Variants in NLGN1 observed in about 807,000 individuals in gnomAD.
NLGN1 encodes neuroligin 1, also known as neuroligin-1.
A neutral mutation model predicts 65.5 loss-of-function variants in NLGN1; 12 were observed. The ratio of observed to expected loss-of-function variants is 0.18; its 90% CI spans 0.12 to 0.30. NLGN1 has a LOEUF of 0.30. Ranked by LOEUF, NLGN1 falls within the 10% of genes least tolerant of loss-of-function variation. The pLI, the probability that NLGN1 is intolerant of heterozygous loss-of-function variation, is 1.00. For synonymous variants in NLGN1, 350 were observed against 359.5 expected (o/e 0.97, Z 0.30); for missense variants, 750 against 1,007.1 (o/e 0.74, Z 3.46).
At chr3:173,456,789 G>C (rs116179448) in intron 2 of NLGN1, among the ~76,000 whole-genome samples, 4,229 of 152,146 alleles carry the variant, frequency 0.028, 207 homozygotes, top group African/African-American at 0.094. Flanking sequence ...GGGAGCAGTA[G>C]CTGTGAAAAA....
At chr3:173,862,541 A>G (rs1285695100) in intron 4 of NLGN1, among the ~76,000 whole-genome samples, 7 of 150,780 alleles carry the variant, frequency 4.6e-5, no homozygotes, top group Non-Finnish European at 7.4e-5. Flanking sequence ...GAAAATGAAA[A>G]CATAATACAT....
At chr3:173,959,432 G>A (rs1296135325) in intron 4 of NLGN1, among the ~76,000 whole-genome samples, 1 of 152,214 alleles carries the variant, frequency 6.6e-6, no homozygotes, top group East Asian at 1.9e-4. Flanking sequence ...GTCACCATAG[G>A]AATCCTGGAC....
At position 174,047,662 on chromosome 3, in the gene NLGN1, G is replaced by A. The variant is rs115581731; in HGVS notation, c.647-227653G>A. 6.3e-3 allele frequency among the ~76,000 whole-genome samples: 961 copies of A among 151,966 alleles called. 24 individuals are homozygous for A. Among genetic ancestry groups the A allele is most frequent in the East Asian group, 0.039 (202 of 5,172 alleles). The stretch of plus-strand genomic sequence containing the variant: ...TACATACAGATACACATAGTAATAC[G>A]TGTTAAGTAAATATAAAAAACAGCC... On this transcript the variant is annotated intron_variant, in intron 4 of 6. Coordinates refer to ENST00000457714, the Ensembl canonical transcript of NLGN1.
At chr3:173,928,665 A>G (rs1050286411) in intron 4 of NLGN1, among the ~76,000 whole-genome samples, 37 of 147,550 alleles carry the variant, frequency 2.5e-4, no homozygotes, top group African/African-American at 8.4e-4. Context: ...TAGATTAGAC[A>G]TAGTTAATTT....
intron 4 of NLGN1, among the ~76,000 whole-genome samples, chr3:174,068,356 A>G (rs1451338661): frequency 6.6e-6 from 1 of 152,060 alleles, no homozygotes; most frequent in African/African-American, 2.4e-5. Context: ...TCTGACCTCT[A>G]TGCATCTCCT....
chr3:173,706,192 A>G (rs1433666230), intron 3 of NLGN1, among the ~76,000 whole-genome samples: 2 of 152,166 alleles, frequency 1.3e-5, no homozygotes, highest in Admixed American at 6.5e-5. Flanking sequence ...CATACTTTTC[A>G]TGCTCATGTA....
At chr3:173,616,568 T>C (rs2149488047) in intron 3 of NLGN1, among the ~76,000 whole-genome samples, 1 of 152,258 alleles carries the variant, frequency 6.6e-6, no homozygotes, top group Non-Finnish European at 1.5e-5. Flanking sequence ...TGGGAATCTA[T>C]AGAAGCCAAC....
chr3:173,554,171 A>G (rs1741348868), intron 2 of NLGN1, among the ~76,000 whole-genome samples: 1 of 152,204 alleles, frequency 6.6e-6, no homozygotes, highest in South Asian at 2.1e-4. Context: ...AAGCTTCCAG[A>G]TAGTATAATT....
At chr3:173,684,667 C>A (rs1288437347) in intron 3 of NLGN1, among the ~76,000 whole-genome samples, 1 of 152,132 alleles carries the variant, frequency 6.6e-6, no homozygotes, top group Non-Finnish European at 1.5e-5. Flanking sequence ...ATGTCAGTCA[C>A]TGAATCAGGT....
At chr3:173,464,482 C>A (rs1723967859) in intron 2 of NLGN1, among the ~76,000 whole-genome samples, 1 of 144,158 alleles carries the variant, frequency 6.9e-6, no homozygotes, top group African/African-American at 2.6e-5. Context: ...ATTGCCCAGG[C>A]TGGAGTGCAA....
chr3:173,403,447 T>G (rs941707606), intron 1 of NLGN1, among the ~76,000 whole-genome samples: 23 of 152,258 alleles, frequency 1.5e-4, no homozygotes, highest in African/African-American at 5.5e-4. Flanking sequence ...TTTGGCCAGT[T>G]ACTCTCATAA....
intron 3 of NLGN1, among the ~76,000 whole-genome samples, chr3:173,639,333 A>G (rs768947429): frequency 6.6e-6 from 1 of 152,184 alleles, no homozygotes; most frequent in African/African-American, 2.4e-5. Context: ...AATTTGGGTC[A>G]ATCAGTGGAC....
chr3:174,223,589 G>A (rs1449156647), intron 4 of NLGN1, among the ~76,000 whole-genome samples: 1 of 152,096 alleles, frequency 6.6e-6, no homozygotes, highest in Admixed American at 6.5e-5. Context: ...AAATCAGTGT[G>A]TGCAGCTGAA....
chr3:174,197,584 C>T (rs1319177038), intron 4 of NLGN1, among the ~76,000 whole-genome samples: 2 of 147,460 alleles, frequency 1.4e-5, no homozygotes, highest in Non-Finnish European at 3.0e-5. Context: ...TCTTCCTTGA[C>T]TAAGAGAGGG....
intron 4 of NLGN1, among the ~76,000 whole-genome samples, chr3:174,153,514 C>T (rs939191256): frequency 6.6e-6 from 1 of 152,092 alleles, no homozygotes; most frequent in Non-Finnish European, 1.5e-5. Flanking sequence ...CTAACATCAA[C>T]CCTACAACTT....
chr3:173,953,417 T>G (rs1349099336), intron 4 of NLGN1, among the ~76,000 whole-genome samples: 1 of 152,208 alleles, frequency 6.6e-6, no homozygotes, highest in Non-Finnish European at 1.5e-5. Flanking sequence ...TGAGTTAAGC[T>G]CTGTTCAATT....
intron 4 of NLGN1, among the ~76,000 whole-genome samples, chr3:173,869,251 T>C (rs989079893): frequency 1.3e-5 from 2 of 152,168 alleles, no homozygotes; most frequent in Non-Finnish European, 2.9e-5. Flanking sequence ...ACCTTTCAAT[T>C]AGGAATTGTT....
intron 2 of NLGN1, among the ~76,000 whole-genome samples, chr3:173,596,719 C>T (rs910197490): frequency 2.0e-5 from 3 of 152,172 alleles, no homozygotes; most frequent in African/African-American, 7.2e-5. Flanking sequence ...TGACATGGGT[C>T]CTAGCATCCC....
At chr3:174,141,580 CAT>C (rs1297906782) in intron 4 of NLGN1, among the ~76,000 whole-genome samples, 1 of 152,276 alleles carries the variant, frequency 6.6e-6, no homozygotes, top group Non-Finnish European at 1.5e-5. Flanking sequence ...ATGTCTTCCT[CAT>C]AGTACTCTGG....
Sources: allele counts gnomAD v4.1 joint callset (sites outside exome capture counted in the v4.1 genomes callset), GRCh38; gene constraint gnomAD v4.1.1; transcripts MANE v1.5; gene names NCBI Gene and HGNC (gene_info 2026-07-23, HGNC 2026-07-21).